Variants in CRYBG2 observed in about 807,000 individuals in gnomAD.
The protein encoded by CRYBG2 is crystallin beta-gamma domain containing 2, also known as beta/gamma crystallin domain-containing protein 2.
In CRYBG2, 106 loss-of-function variants were observed where a neutral mutation model predicts 153.4. That is an observed-to-expected ratio of 0.69 (90% CI 0.59 to 0.81). The LOEUF is 0.81. Ranked by LOEUF, CRYBG2 falls within the 30% of genes least tolerant of loss-of-function variation. The pLI, the probability that CRYBG2 is intolerant of heterozygous loss-of-function variation, is 0.00. For synonymous variants in CRYBG2, 851 were observed against 877.8 expected (o/e 0.97, Z 0.54); for missense variants, 1,996 against 2,112.0 (o/e 0.95, Z 1.08).
At position 26,338,481 on chromosome 1, in the gene CRYBG2, G is replaced by A. The variant is rs768780485; in HGVS notation, c.3345-4C>T. Reference sequence around the variant, plus strand: ...TGGTTTGGGGTACAGTAGCCACCTAGGGGAAACAGAGAGGCTGCTGCACCC... The same window carrying A: ...TGGTTTGGGGTACAGTAGCCACCTAAGGGAAACAGAGAGGCTGCTGCACCC... On this transcript the variant is annotated splice_polypyrimidine_tract_variant and splice_region_variant and intron_variant, in intron 6 of 19. Coordinates refer to ENST00000308182, the MANE Select transcript of CRYBG2 (RefSeq NM_001039775.4). 3.1e-6 allele frequency: 5 copies of A among 1,598,286 alleles called. No homozygotes were observed. The African/African-American group carries it at 6.7e-5, about 22-fold the overall frequency.
chr1:26,322,290 G>T lies in CRYBG2; in HGVS notation c.4771C>A (p.Pro1591Thr). Residue 1591 changes from proline to threonine, a missense_variant, in exon 19 of 20, where the codon CCC (proline) becomes ACC (threonine). By Grantham distance (38) the Pro-to-Thr change is conservative. Coordinates refer to ENST00000308182, the MANE Select transcript of CRYBG2 (RefSeq NM_001039775.4). Reference sequence around the variant, plus strand: ...ACCACCTTGGAGCCTGGGCTAGGGGGTCCAATCACCTGTAGGCTCATGGTG... The same window carrying T: ...ACCACCTTGGAGCCTGGGCTAGGGGTTCCAATCACCTGTAGGCTCATGGTG... ...APTMSLQVIGPPSPGSKVVLW... is the reference protein window; with the variant it reads ...APTMSLQVIGTPSPGSKVVLW... The T allele has an allele frequency of 6.2e-7, 1 of 1,613,730 alleles. No homozygotes were observed. Among genetic ancestry groups the T allele is most frequent in the South Asian group, 1.1e-5 (1 of 91,086 alleles).
chr1:26,345,951 T>C lies in CRYBG2; in HGVS notation c.707A>G (p.Lys236Arg), dbSNP rs1188903719. The C allele has an allele frequency of 2.5e-6, 4 of 1,594,636 alleles. No homozygotes were observed. The African/African-American group carries it at 5.3e-5, about 21-fold the overall frequency. ...AGCAGGCACGAGGTTACTTAGCACT[T>C]TCACGGCCTGGCTGCGGCTGGGCGA... Reference protein sequence around the residue: ...PGSPSRSQAVKVLSNLVPAGH... With the variant: ...PGSPSRSQAVRVLSNLVPAGH... Residue 236 changes from lysine to arginine, a missense_variant, in exon 2 of 20, where the codon AAA becomes AGA. Physicochemically the swap from Lys to Arg is conservative, Grantham distance 26. Coordinates refer to ENST00000308182, the MANE Select transcript of CRYBG2 (RefSeq NM_001039775.4).
rs769667686 is a variant in CRYBG2 at position 26,345,422 on chromosome 1, A to G, written c.1236T>C (p.His412=). 3.7e-6 allele frequency: 6 copies of G among 1,609,500 alleles called. No individual in the cohort carries two copies. In the African/African-American group the frequency reaches 8.0e-5, roughly 22 times the overall value. Residue 412 remains histidine (H), a synonymous_variant, in exon 2 of 20, where the codon CAT becomes CAC. Coordinates refer to ENST00000308182, the MANE Select transcript of CRYBG2 (RefSeq NM_001039775.4). ...CAGGAGGTTGTCCAGGGACTGTCAC[A>G]TGCTCGCTCCTCACCATGGGCAGGA... ...ATVLPMVRSE[H]VTVPGQPPAP... is the part of the protein sequence containing the mutation.
At chr1:26,332,299 T>A (rs1464936135) in intron 14 of CRYBG2, among the ~76,000 whole-genome samples, 1 of 111,406 alleles carries the variant, frequency 9.0e-6, no homozygotes, top group African/African-American at 3.5e-5. Context: ...AGAGCGAGAC[T>A]CCGTGTCAAA....
intron 7 of CRYBG2, 25 bp downstream of exon 7, chr1:26,338,326 C>T: frequency 6.4e-7 from 1 of 1,570,792 alleles, no homozygotes; most frequent in Non-Finnish European, 8.6e-7. Context: ...GACCTCCTGG[C>T]CTGTGGGTGT....
rs1409877829 is a variant in CRYBG2 at position 26,344,140 on chromosome 1, T to G, written c.2518A>C (p.Ser840Arg). The change falls in exon 2 of 20, where the codon AGT becomes CGT. Residue 840 changes from serine to arginine, a missense_variant. Coordinates refer to ENST00000308182, the MANE Select transcript of CRYBG2 (RefSeq NM_001039775.4). ...EEEEPENPYL[S>R]DDEKLQRRQE... Reference sequence around the variant, plus strand: ...CTGCGCTGGAGCTTCTCATCGTCACTCAGATAGGGGTTCTCTGGTTCCTCC... The same window carrying G: ...CTGCGCTGGAGCTTCTCATCGTCACGCAGATAGGGGTTCTCTGGTTCCTCC... 4.6e-6 allele frequency: 7 copies of G among 1,535,938 alleles called. No homozygotes were observed. The highest frequency in any genetic ancestry group is 1.4e-5 in the African/African-American group (1 of 72,986).
chr1:26,341,777 C>A (rs190742096), intron 5 of CRYBG2, among the ~76,000 whole-genome samples: 1 of 152,182 alleles, frequency 6.6e-6, no homozygotes, highest in Non-Finnish European at 1.5e-5. Context: ...TGAGCCACTG[C>A]GCCTGGCCTT....
At position 26,344,301 on chromosome 1, in the gene CRYBG2, G is replaced by C; in HGVS notation, c.2357C>G (p.Pro786Arg). 6.6e-7 allele frequency: 1 copy of C among 1,511,490 alleles called. No individual in the cohort carries two copies. 93.6% of individuals were successfully genotyped at this position (1,511,490 alleles called of 1,614,324 possible). ...CAGGTAGGAGGAGCGAGGGGCTCGT[G>C]GCAGCCGGTGAGTGCGGAGGATCTC... ...PPEILRTHRL[P>R]RAPRSSYLSM... Residue 786 changes from proline to arginine, a missense_variant, in exon 2 of 20, where the codon CCA (proline) becomes CGA (arginine). Physicochemically the swap from Pro to Arg is moderately radical, Grantham distance 103. Coordinates refer to ENST00000308182, the MANE Select transcript of CRYBG2 (RefSeq NM_001039775.4).
intron 16 of CRYBG2, 65 bp downstream of exon 16, chr1:26,328,667 ATC>A: frequency 1.3e-6 from 2 of 1,538,642 alleles, no homozygotes; most frequent in Non-Finnish European, 1.8e-6. Flanking sequence ...GACCCCCAGG[ATC>A]TCTGTCTTGC....
chr1:26,326,974 A>G (rs2073933543), intron 17 of CRYBG2: 3 of 503,744 alleles, frequency 6.0e-6, no homozygotes, highest in Admixed American at 4.1e-5. Flanking sequence ...TGCTTTCCTT[A>G]TGCAGCAGCT....
intron 16 of CRYBG2, 127 bp from the exon 17 acceptor site, chr1:26,328,459 G>T: frequency 7.2e-7 from 1 of 1,379,390 alleles, no homozygotes; most frequent in Non-Finnish European, 9.8e-7. Flanking sequence ...GGATTCCTCT[G>T]CCTGGAATAG....
intron 1 of CRYBG2, among the ~76,000 whole-genome samples, chr1:26,349,092 C>T (rs2074258148): frequency 6.6e-6 from 1 of 151,884 alleles, no homozygotes; most frequent in African/African-American, 2.4e-5. Flanking sequence ...TCGCTTGAAC[C>T]TGGGGGGCGG....
chr1:26,338,087 G>T, intron 7 of CRYBG2, 40 bp from the exon 8 acceptor site: 1 of 1,608,606 alleles, frequency 6.2e-7, no homozygotes, highest in Non-Finnish European at 8.5e-7. Flanking sequence ...CCCAGAGATG[G>T]GAAAGACAGA....
In CRYBG2 at chr1:26,323,208, G is replaced by A. The variant is rs547519528; in HGVS notation, c.4738-885C>T. Among the ~76,000 whole-genome samples, 20 of 151,848 alleles carry A rather than the reference G, an allele frequency of 1.3e-4. No individual in the cohort carries two copies. The South Asian group carries it at 4.1e-3, about 31-fold the overall frequency. On this transcript the variant is annotated intron_variant, in intron 18 of 19. Transcript: ENST00000308182. ...TAATCCTCCCACCTCGGCCTCCTGAGTAGCTGGGACTACAGGTGCATGCCA... is the reference window on the plus strand; with the variant it reads ...TAATCCTCCCACCTCGGCCTCCTGAATAGCTGGGACTACAGGTGCATGCCA...
rs1317867829 is a variant in CRYBG2 at position 26,325,641 on chromosome 1, G to A, written c.4579-1331C>T. On this transcript the variant is annotated intron_variant, in intron 17 of 19. Coordinates refer to ENST00000308182, the MANE Select transcript of CRYBG2 (RefSeq NM_001039775.4). This position sits in a 1 kb window ranked among gnomAD's most constrained non-coding sequence, Gnocchi z 4.1. The stretch of plus-strand genomic sequence containing the variant: ...CACACACACACACACACACACACAG[G>A]TCATCACCAGAGCACACAGATGCAT... Among the ~76,000 whole-genome samples the A allele has an allele frequency of 2.2e-5, 3 of 135,044 alleles. No homozygotes were observed. The highest frequency in any genetic ancestry group is 8.4e-5 in the African/African-American group (3 of 35,570). The allele number at this position is 135,044 out of a possible 152,430, so 88.6% of individuals were successfully genotyped here.
rs1370487691 is a variant in CRYBG2, at chr1:26,336,108, C to T, written c.4171G>A (p.Val1391Ile). Residue 1391 changes from valine to isoleucine, a missense_variant, in exon 14 of 20, where the codon GTC becomes ATC. Val to Ile is a conservative substitution (Grantham distance 29). Transcript: ENST00000308182. This position sits in a 1 kb window ranked among gnomAD's most constrained non-coding sequence, Gnocchi z 4.9. ...CCACGTTCTCACCTGCCGCCGTGGA[C>T]CCGGCAGGACTGAGGTCGGAAGGAG... ...PASFRPQSCR[V>I]HGGSWILFDE... 1 of 1,480,076 alleles carries T rather than the reference C, an allele frequency of 6.8e-7. No individual in the cohort carries two copies. The highest frequency in any genetic ancestry group is 9.0e-7 in the Non-Finnish European group (1 of 1,107,424). 91.7% of individuals were successfully genotyped at this position (1,480,076 alleles called of 1,614,324 possible). A position where few individuals can be genotyped will look rare whatever the true frequency, so the allele number is the denominator to read the frequency against.
At position 26,345,982 on chromosome 1, in the gene CRYBG2, G is replaced by C. The variant is rs746207408; in HGVS notation, c.676C>G (p.Pro226Ala). 2 of 1,593,694 alleles carry C rather than the reference G, an allele frequency of 1.3e-6. No homozygotes were observed. The highest frequency in any genetic ancestry group is 2.7e-5 in the African/African-American group (2 of 74,848). ...MVPPVVVGSP[P>A]GSPSRSQAVK... is the part of the protein sequence containing the mutation. ...GCCTGGCTGCGGCTGGGCGAGCCTG[G>C]TGGGGAGCCCACCACCACTGGCGGC... The change falls in exon 2 of 20, where the codon CCA becomes GCA. Residue 226 changes from proline (P) to alanine (A), a missense_variant. By Grantham distance (27) the Pro-to-Ala change is conservative. Coordinates refer to ENST00000308182, the MANE Select transcript of CRYBG2 (RefSeq NM_001039775.4).
At chr1:26,338,097 A>G (rs1206260854) in intron 7 of CRYBG2, 50 bp from the exon 8 acceptor site, 2 of 1,601,652 alleles carry the variant, frequency 1.2e-6, no homozygotes, top group Admixed American at 1.7e-5. Context: ...GGAAAGACAG[A>G]TGGGGCTGCG....
intron 18 of CRYBG2, among the ~76,000 whole-genome samples, chr1:26,323,607 TTTCTC>T (rs1446608310): frequency 6.6e-6 from 1 of 152,060 alleles, no homozygotes; most frequent in Non-Finnish European, 1.5e-5. Flanking sequence ...AAATCTACCT[TTTCTC>T]TTATTTTTAT....
Sources: gnomAD v4.1 joint callset for allele counts (sites outside exome capture counted in the v4.1 genomes callset) on GRCh38, gnomAD v4.1.1 for gene constraint, Gnocchi (gnomAD v3.1) non-coding constraint, MANE v1.5 for transcripts, NCBI Gene and HGNC (gene_info 2026-07-23, HGNC 2026-07-21) for gene names.